SOX5: variants seen among roughly 807,000 people sequenced by gnomAD.
The protein encoded by SOX5 is transcription factor SOX-5.
SOX5 carries 9 observed loss-of-function variants against 92.0 expected under a neutral mutation model. The observed-to-expected ratio is 0.10, with a 90% CI of 0.06 to 0.17. The LOEUF (loss-of-function observed/expected upper bound fraction) is 0.17. Ranked by LOEUF, SOX5 falls within the 10% of genes least tolerant of loss-of-function variation. The pLI, the probability that SOX5 is intolerant of heterozygous loss-of-function variation, is 1.00. For synonymous variants in SOX5, 344 were observed against 336.3 expected (o/e 1.02, Z -0.25); for missense variants, 642 against 944.5 (o/e 0.68, Z 4.20).
At chr12:23,950,075 T>G (rs1414424130), upstream of SOX5, among the ~76,000 whole-genome samples, 1 of 151,354 alleles carries the variant, frequency 6.6e-6, no homozygotes, top group South Asian at 2.1e-4. Context: ...CAGAACAGTA[T>G]GATTTTGTAA....
chr12:24,420,054 T>C (rs1048284874), intron 1 of SOX5, among the ~76,000 whole-genome samples: 5 of 152,238 alleles, frequency 3.3e-5, no homozygotes, highest in African/African-American at 1.2e-4. Flanking sequence ...TTTTCCATGC[T>C]TGAGGTGTGG....
chr12:23,810,830 C>T (rs1325042196), intron 3 of SOX5, among the ~76,000 whole-genome samples: 5 of 152,160 alleles, frequency 3.3e-5, no homozygotes, highest in African/African-American at 1.2e-4. Context: ...GCTACAGTTT[C>T]TCACTACAGC....
intron 3 of SOX5, among the ~76,000 whole-genome samples, chr12:23,790,851 C>A (rs1445572859): frequency 6.6e-6 from 1 of 152,088 alleles, no homozygotes; most frequent in East Asian, 1.9e-4. Context: ...TGCATGCAAT[C>A]TCATTTAATA....
chr12:24,139,492 T>G (rs1950382561), intron 4 of SOX5, among the ~76,000 whole-genome samples: 1 of 152,180 alleles, frequency 6.6e-6, no homozygotes, highest in African/African-American at 2.4e-5. Context: ...ATGATTGAAT[T>G]TTTAATATTG....
rs1263581786 is a variant in SOX5 at position 24,388,153 on chromosome 12, C to T, written c.-250-19514G>A. Among the ~76,000 whole-genome samples the T allele has an allele frequency of 2.6e-5, 4 of 152,306 alleles. No individual in the cohort carries two copies. In the East Asian group the frequency reaches 7.7e-4, roughly 29 times the overall value. On this transcript the variant is annotated intron_variant, in intron 1 of 4. Transcript: ENST00000446891. ...ACCATCTCAGATTTTGTCAGACCCT[C>T]TTTCCAGAAATCAAAATTCACTTCA...
chr12:23,970,967 T>C (rs1026994870), intron 4 of SOX5, among the ~76,000 whole-genome samples: 1 of 148,040 alleles, frequency 6.8e-6, no homozygotes, highest in African/African-American at 2.5e-5. Flanking sequence ...ATGGTAATAG[T>C]ATATTTAGCT....
chr12:23,908,626 A>G (rs939277375), intron 1 of SOX5, among the ~76,000 whole-genome samples: 5 of 151,876 alleles, frequency 3.3e-5, no homozygotes, highest in African/African-American at 1.2e-4. Flanking sequence ...TGTGAGAGAC[A>G]GGCATACTAG....
At chr12:23,841,613 C>A (rs1033037089) in intron 3 of SOX5, among the ~76,000 whole-genome samples, 1 of 152,032 alleles carries the variant, frequency 6.6e-6, no homozygotes, top group Non-Finnish European at 1.5e-5. Context: ...ATATTATTTA[C>A]TGATACAAAG....
At chr12:24,411,524 G>A (rs1964081978) in intron 1 of SOX5, among the ~76,000 whole-genome samples, 1 of 152,050 alleles carries the variant, frequency 6.6e-6, no homozygotes, top group Admixed American at 6.5e-5. Context: ...AAATGTCTGT[G>A]GAATTTTGTC....
chr12:23,895,952 C>T lies in SOX5; in HGVS notation c.111G>A (p.Gln37=). The T allele has an allele frequency of 6.2e-7, 1 of 1,614,144 alleles. No homozygotes were observed. Among genetic ancestry groups the T allele is most frequent in the Non-Finnish European group, 8.5e-7 (1 of 1,179,980 alleles). ...CGTCACTCTCCTCTTCTTCCACTTT[C>T]TGTCTGCTTGTCACCATGGCTACCT... ...DGEVAMVTSR[Q]KVEEEESDGL... is the part of the protein sequence containing the mutation. Residue 37 remains glutamine, a synonymous_variant, in exon 2 of 15, where the codon CAG becomes CAA. Transcript: ENST00000451604.
At chr12:24,053,994 GCT>G (rs1006071115) in intron 4 of SOX5, among the ~76,000 whole-genome samples, 3 of 152,180 alleles carry the variant, frequency 2.0e-5, no homozygotes, top group African/African-American at 7.2e-5. Context: ...AAGCTCTATG[GCT>G]CTGAGGCCTG....
In SOX5 at chr12:23,861,304, A is replaced by G. The variant is rs531986815; in HGVS notation, c.271-15111T>C. The stretch of plus-strand genomic sequence containing the variant: ...GTCAATATAAAAAAAGTTTTTCAGA[A>G]TCCTACTGCTGTTTATTGCTTTATT... On this transcript the variant is annotated intron_variant, in intron 2 of 14. Transcript: ENST00000451604. 2.0e-5 allele frequency among the ~76,000 whole-genome samples: 3 copies of G among 152,274 alleles called. No homozygotes were observed. The Middle Eastern group carries it at 0.01, about 518-fold the overall frequency.
chr12:23,655,675 T>C (rs1410995894), intron 7 of SOX5, among the ~76,000 whole-genome samples: 1 of 152,100 alleles, frequency 6.6e-6, no homozygotes, highest in Non-Finnish European at 1.5e-5. Context: ...GGTCTGAGGT[T>C]CACAGGTGAG....
intron 2 of SOX5, among the ~76,000 whole-genome samples, chr12:24,284,432 T>TTGTGTG (rs59803171): frequency 0.047 from 7,051 of 149,652 alleles, 172 homozygotes; most frequent in Non-Finnish European, 0.058. Context: ...TTTTTTTTCT[T>TTGTGTG]TGTGTGTGTG....
chr12:24,056,974 C>CAAAAAAAAAAAAAAAAAAAAAAAA lies in SOX5; in HGVS notation c.-2+156368_-2+156369insTTTTTTTTTTTTTTTTTTTTTTTT, dbSNP rs60085412. On this transcript the variant is annotated intron_variant, in intron 4 of 4. Transcript: ENST00000446891. ...TGGGCGACAGAGCGAGACTCCGTCTCAAAAAAAAAAAAAAAAAAATTCAAC... is the reference window on the plus strand; with the variant it reads ...TGGGCGACAGAGCGAGACTCCGTCTCAAAAAAAAAAAAAAAAAAAAAAAAAAAAAAAAAAAAAAAAAAATTCAAC... Among the ~76,000 whole-genome samples the CAAAAAAAAAAAAAAAAAAAAAAAA allele has an allele frequency of 1.4e-4, 5 of 36,902 alleles. No homozygotes were observed. The East Asian group carries it at 2.3e-3, about 17-fold the overall frequency. The allele number at this position is 36,902 out of a possible 152,430, so 24.2% of individuals were successfully genotyped here. A position where few individuals can be genotyped will look rare whatever the true frequency, so the allele number is the denominator to read the frequency against.
chr12:23,929,705 T>C (rs951513511), intron 1 of SOX5, among the ~76,000 whole-genome samples: 3 of 151,934 alleles, frequency 2.0e-5, no homozygotes, highest in Non-Finnish European at 4.4e-5. Context: ...AATTCTTAAT[T>C]TTTTTAAAAA....
intron 4 of SOX5, among the ~76,000 whole-genome samples, chr12:23,982,491 G>T (rs932632408): frequency 6.6e-6 from 1 of 152,082 alleles, no homozygotes; most frequent in Non-Finnish European, 1.5e-5. Flanking sequence ...AAAATGTTCT[G>T]CTGGGATACA....
intron 2 of SOX5, among the ~76,000 whole-genome samples, chr12:24,324,918 T>C (rs2140932924): frequency 6.6e-6 from 1 of 152,270 alleles, no homozygotes; most frequent in East Asian, 1.9e-4. Flanking sequence ...TTAAGTTTCA[T>C]ATTTCTCATA....
At chr12:24,186,326 G>C (rs1956010463) in intron 4 of SOX5, among the ~76,000 whole-genome samples, 1 of 152,136 alleles carries the variant, frequency 6.6e-6, no homozygotes, top group South Asian at 2.1e-4. Flanking sequence ...CACGAATGCT[G>C]AGAAATTGTT....
Sources: gnomAD v4.1 joint callset for allele counts (sites outside exome capture counted in the v4.1 genomes callset) on GRCh38, gnomAD v4.1.1 for gene constraint, MANE v1.5 for transcripts, NCBI Gene and HGNC (gene_info 2026-07-23, HGNC 2026-07-21) for gene names.